The following SCAPER variants were observed in gnomAD, a reference collection of about 807,000 sequenced individuals.
The protein encoded by SCAPER is S-phase cyclin A associated protein in the ER.
In SCAPER, 98 loss-of-function variants were observed where a neutral mutation model predicts 182.2. That is an observed-to-expected ratio of 0.54 (90% CI 0.46 to 0.64). SCAPER has a LOEUF of 0.64. SCAPER is among the 30% of genes least tolerant of loss of function. The pLI is 0.00. For synonymous variants in SCAPER, 605 were observed against 564.6 expected, an observed-to-expected ratio of 1.07 and a Z score of -1.01; for missense variants, 1,432 against 1,690.0, an observed-to-expected ratio of 0.85 and a Z score of 2.68.
intron 23 of SCAPER, among the ~76,000 whole-genome samples, chr15:76,521,169 T>A (rs2042804432): frequency 6.6e-6 from 1 of 152,172 alleles, no homozygotes; most frequent in African/African-American, 2.4e-5. Context: ...TTATGAAAAT[T>A]AAATACTATT....
intron 22 of SCAPER, among the ~76,000 whole-genome samples, chr15:76,580,982 C>T (rs2048227604): frequency 6.6e-6 from 1 of 152,080 alleles, no homozygotes; most frequent in Non-Finnish European, 1.5e-5. Context: ...ACCAATACCA[C>T]AGAAATTCAA....
chr15:76,545,210 G>C (rs1288990381), intron 23 of SCAPER, among the ~76,000 whole-genome samples: 2 of 151,994 alleles, frequency 1.3e-5, no homozygotes, highest in African/African-American at 4.8e-5. Flanking sequence ...TGCTCTAATG[G>C]TTATTGTGGG....
At chr15:76,782,414 T>A (rs746190834) in intron 8 of SCAPER, among the ~76,000 whole-genome samples, 1 of 152,080 alleles carries the variant, frequency 6.6e-6, no homozygotes, top group Non-Finnish European at 1.5e-5. Flanking sequence ...AGACTTAGAC[T>A]CCCACACAAT....
intron 10 of SCAPER, among the ~76,000 whole-genome samples, chr15:76,767,692 T>A (rs913254290): frequency 2.0e-5 from 3 of 151,988 alleles, no homozygotes; most frequent in Non-Finnish European, 4.4e-5. Context: ...AAAATGAAAT[T>A]ATTAAAAAAT....
chr15:76,496,032 A>G (rs1260668471), intron 24 of SCAPER, among the ~76,000 whole-genome samples: 1 of 151,036 alleles, frequency 6.6e-6, no homozygotes, highest in Non-Finnish European at 1.5e-5. Context: ...ACACACACAC[A>G]CACACACAGA....
At chr15:76,802,438 G>T (rs534591931) in intron 6 of SCAPER, among the ~76,000 whole-genome samples, 1 of 152,234 alleles carries the variant, frequency 6.6e-6, no homozygotes, top group African/African-American at 2.4e-5. Context: ...TGAAACCCCA[G>T]ATCCAATCAC....
intron 1 of SCAPER, among the ~76,000 whole-genome samples, chr15:76,890,710 T>C (rs1009110637): frequency 4.6e-5 from 7 of 152,230 alleles, no homozygotes; most frequent in South Asian, 2.1e-4. Flanking sequence ...CAGGACCAGA[T>C]AGATTCACAG....
intron 27 of SCAPER, 115 bp from the exon 28 acceptor site, chr15:76,381,730 A>G: frequency 1.3e-6 from 1 of 799,266 alleles, no homozygotes; most frequent in Non-Finnish European, 2.0e-6. Context: ...TCTGAGTTGT[A>G]TAGTATGGTA....
chr15:76,744,722 G>A (rs187747803), intron 15 of SCAPER, among the ~76,000 whole-genome samples: 1 of 152,270 alleles, frequency 6.6e-6, no homozygotes, highest in East Asian at 1.9e-4. Flanking sequence ...AACGCAGTGT[G>A]GCAATTTCTG....
At chr15:76,494,387 C>G (rs1209145828) in intron 24 of SCAPER, among the ~76,000 whole-genome samples, 1 of 152,100 alleles carries the variant, frequency 6.6e-6, no homozygotes, top group East Asian at 1.9e-4. Flanking sequence ...TCTTTGGTTC[C>G]TAGTCTGCTA....
intron 23 of SCAPER, among the ~76,000 whole-genome samples, chr15:76,549,782 CCTAT>C (rs1196367359): frequency 1.3e-5 from 2 of 151,958 alleles, no homozygotes; most frequent in Non-Finnish European, 2.9e-5. Context: ...AAACTAGACC[CCTAT>C]CTCTCATCAT....
At position 76,765,602 on chromosome 15, in the gene SCAPER, T is replaced by C. The variant is rs2063063404; in HGVS notation, c.1456A>G (p.Met486Val). ...AGGACATCGTTCCAGTCCATGGACA[T>C]ACCACAGAAAGAAACACTCCCACTG... ...MGSGSVSFCG[M>V]SMDWNDVLAD... is the part of the protein sequence containing the mutation. Residue 486 changes from methionine to valine, a missense_variant, in exon 12 of 32, where the codon ATG becomes GTG. Met to Val is a conservative substitution (Grantham distance 21). Transcript: ENST00000563290. The C allele has an allele frequency of 6.3e-7, 1 of 1,588,558 alleles. No individual in the cohort carries two copies. Among genetic ancestry groups the C allele is most frequent in the East Asian group, 2.3e-5 (1 of 43,998 alleles).
At chr15:76,708,711 T>C (rs2059401041) in intron 17 of SCAPER, among the ~76,000 whole-genome samples, 1 of 151,956 alleles carries the variant, frequency 6.6e-6, no homozygotes, top group Non-Finnish European at 1.5e-5. Flanking sequence ...AGCGACAAAA[T>C]ACATAAACCT....
intron 8 of SCAPER, among the ~76,000 whole-genome samples, 173 bp from the exon 9 acceptor site, chr15:76,775,290 T>G (rs946221935): frequency 2.0e-5 from 3 of 152,174 alleles, no homozygotes; most frequent in Admixed American, 6.5e-5. Context: ...AATAAATGTA[T>G]GTATAATTAT....
chr15:76,657,495 A>G (rs2146640403), intron 21 of SCAPER, among the ~76,000 whole-genome samples: 1 of 151,960 alleles, frequency 6.6e-6, no homozygotes, highest in Non-Finnish European at 1.5e-5. Context: ...ATTACTATTG[A>G]AACTATTCCA....
At chr15:76,766,658 G>A (rs1190532691) in intron 11 of SCAPER, among the ~76,000 whole-genome samples, 1 of 152,022 alleles carries the variant, frequency 6.6e-6, no homozygotes, top group African/African-American at 2.4e-5. Flanking sequence ...TTCTTGACTG[G>A]TAAAATAACA....
chr15:76,453,307 A>G (rs2048503546), intron 25 of SCAPER, among the ~76,000 whole-genome samples: 1 of 152,190 alleles, frequency 6.6e-6, no homozygotes, highest in Non-Finnish European at 1.5e-5. Flanking sequence ...CCCATTCAAA[A>G]TTTGCCAGTT....
chr15:76,514,006 T>G (rs1397698362), intron 23 of SCAPER, among the ~76,000 whole-genome samples: 1 of 152,204 alleles, frequency 6.6e-6, no homozygotes, highest in Non-Finnish European at 1.5e-5. Flanking sequence ...TGTAGTAGAC[T>G]GTAAAGCCTA....
Position 76,681,158 on chromosome 15 carries a change from A to G in SCAPER, c.2509-15369T>C, listed in dbSNP as rs922329971. ...ACTTAAAAATCAGGGTAAGAAATGT[A>G]TGATAGTTATACCTCAAAGCTCTCT... On this transcript the variant is annotated intron_variant, in intron 20 of 31. Coordinates refer to ENST00000563290, the MANE Select transcript of SCAPER (RefSeq NM_020843.4). Among the ~76,000 whole-genome samples the G allele has an allele frequency of 1.1e-4, 17 of 152,228 alleles. 1 individual carries two copies. The highest frequency in any genetic ancestry group is 3.6e-4 in the African/African-American group (15 of 41,464).
Sources: allele counts gnomAD v4.1 joint callset (sites outside exome capture counted in the v4.1 genomes callset), GRCh38; gene constraint gnomAD v4.1.1; transcripts MANE v1.5; gene names NCBI Gene and HGNC (gene_info 2026-07-23, HGNC 2026-07-21).